Variants in SRGAP1 observed in about 807,000 individuals in gnomAD.
SRGAP1 encodes SLIT-ROBO Rho GTPase-activating protein 1.
In SRGAP1, 43 loss-of-function variants were observed where a neutral mutation model predicts 121.9. That is an observed-to-expected ratio of 0.35 (90% confidence interval 0.28 to 0.46). The LOEUF is 0.46. Among genes scored for constraint, SRGAP1 ranks in the 20% least tolerant of loss-of-function variants. The probability of loss-of-function intolerance (pLI) is 1.00; values close to 1 mark genes in which losing one functional copy is unlikely to be tolerated. For missense variants in SRGAP1, 1,102 were observed against 1,350.9 expected, an observed-to-expected ratio of 0.82 and a Z score of 2.89; for synonymous variants, 447 against 485.4, an observed-to-expected ratio of 0.92 and a Z score of 1.04.
At chr12:63,931,869 G>A (rs952313680) in intron 1 of SRGAP1, among the ~76,000 whole-genome samples, 37 of 152,170 alleles carry the variant, frequency 2.4e-4, no homozygotes, top group African/African-American at 8.7e-4. Flanking sequence ...AATGAGGGCT[G>A]GAAAGTAGCC....
intron 1 of SRGAP1, among the ~76,000 whole-genome samples, chr12:63,978,862 A>G (rs2136401557): frequency 6.6e-6 from 1 of 151,886 alleles, no homozygotes; most frequent in African/African-American, 2.4e-5. Context: ...GTCTTCCAAC[A>G]CTTTTTTTAA....
chr12:63,866,428 C>A (rs929273619), intron 1 of SRGAP1, among the ~76,000 whole-genome samples: 3 of 152,192 alleles, frequency 2.0e-5, no homozygotes, highest in Non-Finnish European at 4.4e-5. Flanking sequence ...TGTCTAACAT[C>A]ATTTCCATTG....
intron 1 of SRGAP1, among the ~76,000 whole-genome samples, chr12:63,931,583 C>T (rs1463110932): frequency 6.6e-6 from 1 of 152,154 alleles, no homozygotes; most frequent in Admixed American, 6.6e-5. Context: ...CTGCTTGAAT[C>T]ACCAGAATTA....
chr12:63,983,841 TATATATA>T (rs2033338835), intron 1 of SRGAP1, 99 bp from the exon 2 acceptor site: 3 of 106,716 alleles, frequency 2.8e-5, no homozygotes, highest in Admixed American at 9.7e-5. Flanking sequence ...TATATATATA[TATATATA>T]TATATATTTA....
intron 5 of SRGAP1, among the ~76,000 whole-genome samples, chr12:64,043,244 C>G (rs1358212779): frequency 6.6e-6 from 1 of 152,214 alleles, no homozygotes; most frequent in Admixed American, 6.5e-5. Context: ...AGCCCAAATA[C>G]ATTGTTATTA....
chr12:64,068,076 C>T lies in SRGAP1; in HGVS notation c.1125+2857C>T, dbSNP rs139444453. Among the ~76,000 whole-genome samples, 1,226 of 151,928 alleles carry T rather than the reference C, an allele frequency of 8.1e-3. 13 individuals are homozygous for T. The highest frequency in any genetic ancestry group is 0.028 in the African/African-American group (1,168 of 41,424). On this transcript the variant is annotated intron_variant, in intron 8 of 21. Transcript: ENST00000355086. ...GGCAGATTGCCTGAGCTCAAGAGTT[C>T]GAGACCAGCCTGGGCAACGTGGTGA...
intron 17 of SRGAP1, among the ~76,000 whole-genome samples, 197 bp downstream of exon 17, chr12:64,112,183 A>T (rs2036440548): frequency 6.6e-6 from 1 of 152,122 alleles, no homozygotes; most frequent in East Asian, 1.9e-4. Context: ...TTCTCCAAGG[A>T]CTCTTATCTT....
At chr12:64,001,167 TTATA>T (rs1411023766) in intron 3 of SRGAP1, among the ~76,000 whole-genome samples, 4 of 152,168 alleles carry the variant, frequency 2.6e-5, no homozygotes, top group Non-Finnish European at 5.9e-5. Flanking sequence ...AGATTAGGTC[TTATA>T]TATAATATTA....
chr12:64,041,875 A>ATATTATTAT (rs10689107), intron 4 of SRGAP1, among the ~76,000 whole-genome samples: 10,536 of 138,500 alleles, frequency 0.076, 424 homozygotes, highest in Middle Eastern at 0.1. Context: ...ATTTTCTTTT[A>ATATTATTAT]TATTATTATT....
chr12:63,872,977 G>T (rs1448930143), intron 1 of SRGAP1, among the ~76,000 whole-genome samples: 1 of 152,084 alleles, frequency 6.6e-6, no homozygotes, highest in African/African-American at 2.4e-5. Flanking sequence ...GAAAGGAGGG[G>T]CATTCTGGGT....
chr12:64,131,296 C>T (rs575195476), intron 21 of SRGAP1, among the ~76,000 whole-genome samples: 68 of 152,226 alleles, frequency 4.5e-4, no homozygotes, highest in South Asian at 1.0e-3. Context: ...ACCTCTTCCA[C>T]AAATTTGTCA....
intron 7 of SRGAP1, among the ~76,000 whole-genome samples, chr12:64,064,166 G>A (rs1485408437): frequency 6.6e-6 from 1 of 152,066 alleles, no homozygotes; most frequent in Non-Finnish European, 1.5e-5. Context: ...GACATCAGTT[G>A]TATTTTAATG....
intron 3 of SRGAP1, among the ~76,000 whole-genome samples, chr12:63,992,603 T>C (rs968623326): frequency 5.3e-5 from 8 of 150,644 alleles, no homozygotes; most frequent in African/African-American, 1.2e-4. Flanking sequence ...GTATTCCCAG[T>C]AGTTGGAGGA....
chr12:64,033,044 T>G (rs1381936869), intron 4 of SRGAP1, among the ~76,000 whole-genome samples: 1 of 152,190 alleles, frequency 6.6e-6, no homozygotes, highest in Non-Finnish European at 1.5e-5. Flanking sequence ...CCGCTCTGTA[T>G]GATAACTCCT....
At chr12:64,081,385 C>T (rs1441756241) in intron 10 of SRGAP1, 4 of 151,698 alleles carry the variant, frequency 2.6e-5, no homozygotes, top group African/African-American at 7.3e-5. Context: ...TCATCATCCT[C>T]AGGGAATGAC....
intron 6 of SRGAP1, among the ~76,000 whole-genome samples, chr12:64,054,337 A>G (rs1434826433): frequency 6.6e-6 from 1 of 152,224 alleles, no homozygotes; most frequent in Non-Finnish European, 1.5e-5. Flanking sequence ...ATTAGATTAC[A>G]TCATATATTG....
intron 11 of SRGAP1, 30 bp downstream of exon 11, chr12:64,087,056 C>A: frequency 2.0e-6 from 3 of 1,530,104 alleles, no homozygotes; most frequent in Non-Finnish European, 2.7e-6. Context: ...TAACTTATAG[C>A]GTATTTTACT....
chr12:64,048,021 C>T (rs1294014987), intron 6 of SRGAP1, among the ~76,000 whole-genome samples: 1 of 151,978 alleles, frequency 6.6e-6, no homozygotes, highest in Non-Finnish European at 1.5e-5. Flanking sequence ...TTTAAGTGTA[C>T]AACAAATTAC....
In SRGAP1 at chr12:64,147,818, A is replaced by G; in HGVS notation, c.*5146A>G. On this transcript the variant is annotated 3_prime_UTR_variant, in exon 22 of 22. Coordinates refer to ENST00000355086, the MANE Select transcript of SRGAP1 (RefSeq NM_020762.4). ...TCTTCACGGTGTATCTTTATAATAA[A>G]TAAGATAGTTCTGGCTGCCTTTGTC... 2.5e-6 allele frequency: 1 copy of G among 397,114 alleles called. No homozygotes were observed. The highest frequency in any genetic ancestry group is 4.4e-6 in the Non-Finnish European group (1 of 225,676). 24.6% of individuals were successfully genotyped at this position (397,114 alleles called of 1,614,324 possible). A position where few individuals can be genotyped will look rare whatever the true frequency, so the allele number is the denominator to read the frequency against.
Sources: allele counts gnomAD v4.1 joint callset (sites outside exome capture counted in the v4.1 genomes callset), GRCh38; gene constraint gnomAD v4.1.1; transcripts MANE v1.5; gene names NCBI Gene and HGNC (gene_info 2026-07-23, HGNC 2026-07-21).